Variants in DDX60 observed in about 807,000 individuals in gnomAD.
The protein encoded by DDX60 is DExD/H-box helicase 60, also known as probable ATP-dependent RNA helicase DDX60.
Under a neutral mutation model 212.8 loss-of-function variants are expected in DDX60, and 165 were observed. The ratio of observed to expected loss-of-function variants is 0.78; its 90% CI spans 0.68 to 0.88. The LOEUF (loss-of-function observed/expected upper bound fraction) is 0.88. DDX60 is among the 40% of genes least tolerant of loss of function. The probability of loss-of-function intolerance (pLI) is 0.00; values close to 1 mark genes in which losing one functional copy is unlikely to be tolerated. For synonymous variants in DDX60, 703 were observed against 685.3 expected (o/e 1.03, Z -0.40); for missense variants, 1,905 against 2,003.9 (o/e 0.95, Z 0.94).
intron 1 of DDX60, among the ~76,000 whole-genome samples, chr4:168,312,045 G>T (rs1448984559): frequency 6.6e-6 from 1 of 152,172 alleles, no homozygotes; most frequent in Non-Finnish European, 1.5e-5. Flanking sequence ...GATGGTAGCT[G>T]AGATAATAAA....
intron 33 of DDX60, among the ~76,000 whole-genome samples, chr4:168,226,135 G>T (rs1733246406): frequency 6.6e-6 from 1 of 152,004 alleles, no homozygotes; most frequent in South Asian, 2.1e-4. Flanking sequence ...TTACATTCAT[G>T]AAAGAGAAGT....
chr4:168,235,502 T>C (rs1733600841), intron 33 of DDX60, among the ~76,000 whole-genome samples: 1 of 152,144 alleles, frequency 6.6e-6, no homozygotes, highest in African/African-American at 2.4e-5. Context: ...AGTGTAAAGA[T>C]GATAGGTCAA....
rs1734674067 is a variant in DDX60 at position 168,262,712 on chromosome 4, G to A, written c.3115C>T (p.Gln1039Ter). 34 of 1,612,106 alleles carry A rather than the reference G, an allele frequency of 2.1e-5. No homozygotes were observed. Among genetic ancestry groups the A allele is most frequent in the Non-Finnish European group, 2.9e-5 (34 of 1,178,952 alleles). Residue 1039 changes from glutamine (Q) to a stop codon, truncating the protein, a stop_gained, in exon 23 of 38, where the codon CAA becomes TAA. Transcript: ENST00000393743. LOFTEE classifies it high-confidence loss of function. Reference sequence around the variant, plus strand: ...GCCCGAGGCCAACTTTTCCAAATTTGAAACATGGCATCATACAGCTGGATG... The same window carrying A: ...GCCCGAGGCCAACTTTTCCAAATTTAAAACATGGCATCATACAGCTGGATG... ...ESIQLYDAMF[Q>*]IWKSWPRAQE... is the part of the protein sequence containing the mutation.
chr4:168,322,668 T>C (rs1401911160), upstream of DDX60, among the ~76,000 whole-genome samples: 1 of 152,168 alleles, frequency 6.6e-6, no homozygotes, highest in African/African-American at 2.4e-5. Flanking sequence ...TCCTCTTCTC[T>C]CCATTGGTGA....
upstream of DDX60, among the ~76,000 whole-genome samples, chr4:168,320,557 A>G (rs1038718186): frequency 3.9e-5 from 6 of 152,218 alleles, no homozygotes; most frequent in Non-Finnish European, 7.3e-5. Context: ...CAGAACTGTA[A>G]GAGAACAAAC....
chr4:168,285,997 A>G (rs1735828791), intron 10 of DDX60, among the ~76,000 whole-genome samples: 1 of 124,416 alleles, frequency 8.0e-6, no homozygotes, highest in Non-Finnish European at 1.7e-5. Context: ...AAAGAAAGAA[A>G]GAAAGGAGGG....
At chr4:168,255,481 T>A (rs1472316099) in intron 26 of DDX60, among the ~76,000 whole-genome samples, 2 of 152,212 alleles carry the variant, frequency 1.3e-5, no homozygotes, top group Non-Finnish European at 2.9e-5. Context: ...AGGCTGTGGT[T>A]CTACCTCTCC....
Position 168,311,084 on chromosome 4 carries a change from A to G in DDX60, c.5-17T>C, listed in dbSNP as rs1737113766. ...CATTTCTTTCTAAATTTAAAAAAAAAGAGAGAAAGAGAATGGGTTATTTTT... is the reference window on the plus strand; with the variant it reads ...CATTTCTTTCTAAATTTAAAAAAAAGGAGAGAAAGAGAATGGGTTATTTTT... On this transcript the variant is annotated splice_polypyrimidine_tract_variant and intron_variant, in intron 2 of 37. Coordinates refer to ENST00000393743, the MANE Select transcript of DDX60 (RefSeq NM_017631.6). The G allele has an allele frequency of 1.3e-6, 2 of 1,494,714 alleles. No individual in the cohort carries two copies. Among genetic ancestry groups the G allele is most frequent in the African/African-American group, 1.4e-5 (1 of 71,884 alleles). The allele number at this position is 1,494,714 out of a possible 1,614,324, so 92.6% of individuals were successfully genotyped here.
intron 6 of DDX60, among the ~76,000 whole-genome samples, chr4:168,301,411 G>A (rs1394346203): frequency 6.6e-6 from 1 of 152,090 alleles, no homozygotes; most frequent in Admixed American, 6.6e-5. Flanking sequence ...GGACCATCTT[G>A]TGATTTCAGA....
chr4:168,246,882 GAAATAAT>G (rs1734042829), intron 29 of DDX60, among the ~76,000 whole-genome samples: 2 of 152,094 alleles, frequency 1.3e-5, no homozygotes, highest in African/African-American at 4.8e-5. Context: ...ATATATCAAA[GAAATAAT>G]GATCTATTGA....
upstream of DDX60, among the ~76,000 whole-genome samples, chr4:168,321,438 C>A (rs1223011614): frequency 3.3e-5 from 5 of 152,146 alleles, no homozygotes; most frequent in African/African-American, 1.2e-4. Context: ...TGATACCTGG[C>A]CACCAAGGGG....
At chr4:168,230,886 A>G (rs918357507) in intron 33 of DDX60, among the ~76,000 whole-genome samples, 5 of 152,054 alleles carry the variant, frequency 3.3e-5, no homozygotes, top group African/African-American at 1.2e-4. Flanking sequence ...AACCAATACA[A>G]AAGATAAATG....
At chr4:168,295,685 T>C (rs1344793218) in intron 6 of DDX60, among the ~76,000 whole-genome samples, 1 of 152,200 alleles carries the variant, frequency 6.6e-6, no homozygotes, top group African/African-American at 2.4e-5. Context: ...TTTAACAGTA[T>C]TTCGAAGGTA....
chr4:168,294,281 A>G (rs1736244703), intron 6 of DDX60, among the ~76,000 whole-genome samples: 1 of 152,216 alleles, frequency 6.6e-6, no homozygotes, highest in African/African-American at 2.4e-5. Context: ...AAAGACTTAC[A>G]TACAAGACTT....
At chr4:168,252,397 TATTA>T in intron 27 of DDX60, 108 bp downstream of exon 27, 1 of 1,285,204 alleles carries the variant, frequency 7.8e-7, no homozygotes, top group South Asian at 1.3e-5. Flanking sequence ...GTAGGGATTG[TATTA>T]ATTATGTATT....
At chr4:168,233,249 C>T (rs1432487924) in intron 33 of DDX60, among the ~76,000 whole-genome samples, 1 of 151,998 alleles carries the variant, frequency 6.6e-6, no homozygotes, top group African/African-American at 2.4e-5. Flanking sequence ...AACACTTTTA[C>T]AAAGCTGGTG....
chr4:168,237,671 A>G lies in DDX60; in HGVS notation c.4269+20T>C, dbSNP rs1733676550. The G allele has an allele frequency of 1.3e-6, 2 of 1,591,792 alleles. No homozygotes were observed. The highest frequency in any genetic ancestry group is 1.7e-6 in the Non-Finnish European group (2 of 1,164,458). The stretch of plus-strand genomic sequence containing the variant: ...TAGTAGTAATGCTATTTCCCAAAAC[A>G]AAAGTGCAGTAATGCATACCTCTTT... On this transcript the variant is annotated intron_variant, in intron 31 of 37. Transcript: ENST00000393743.
At chr4:168,238,670 A>G (rs890057625) in intron 30 of DDX60, among the ~76,000 whole-genome samples, 2 of 151,884 alleles carry the variant, frequency 1.3e-5, no homozygotes, top group Non-Finnish European at 2.9e-5. Flanking sequence ...AGAGATGGCA[A>G]TAGTCAGAAA....
chr4:168,314,538 C>T (rs79891895), intron 1 of DDX60, among the ~76,000 whole-genome samples: 2,152 of 152,124 alleles, frequency 0.014, 55 homozygotes, highest in African/African-American at 0.05. Flanking sequence ...TGCAAGTATT[C>T]GTACACATTT....
Sources: gnomAD v4.1 joint callset for allele counts (sites outside exome capture counted in the v4.1 genomes callset) on GRCh38, gnomAD v4.1.1 for gene constraint, MANE v1.5 for transcripts, NCBI Gene and HGNC (gene_info 2026-07-23, HGNC 2026-07-21) for gene names.